The following DENND1A variants were observed in gnomAD, a reference collection of about 807,000 sequenced individuals.
The protein encoded by DENND1A is DENN domain-containing protein 1A.
DENND1A carries 51 observed loss-of-function variants against 113.7 expected under a neutral mutation model. The ratio of observed to expected loss-of-function variants is 0.45; its 90% CI spans 0.36 to 0.57. The LOEUF (loss-of-function observed/expected upper bound fraction) is 0.57, where lower values mean the gene tolerates loss of function less well. Ranked by LOEUF, DENND1A falls within the 20% of genes least tolerant of loss-of-function variation. DENND1A has a pLI of 0.00. For missense variants in DENND1A, 1,258 were observed against 1,395.9 expected, an observed-to-expected ratio of 0.90 and a Z score of 1.57; for synonymous variants, 565 against 570.8, an observed-to-expected ratio of 0.99 and a Z score of 0.14.
intron 2 of DENND1A, among the ~76,000 whole-genome samples, chr9:123,792,873 C>T (rs924750908): frequency 6.6e-6 from 1 of 152,170 alleles, no homozygotes; most frequent in African/African-American, 2.4e-5. Context: ...TAGACTATTA[C>T]CTAATGCAAA....
intron 12 of DENND1A, among the ~76,000 whole-genome samples, chr9:123,572,581 G>GT (rs1277654831): frequency 2.0e-5 from 3 of 152,282 alleles, no homozygotes; most frequent in Middle Eastern, 3.4e-3. Flanking sequence ...ACGATGCGGA[G>GT]TATCTTTTCA....
At chr9:123,587,456 G>C (rs1417556552) in intron 11 of DENND1A, among the ~76,000 whole-genome samples, 1 of 152,194 alleles carries the variant, frequency 6.6e-6, no homozygotes, top group East Asian at 1.9e-4. Flanking sequence ...TAGACAACCA[G>C]TTAGACCAGA....
chr9:123,671,398 C>T (rs1357069621), intron 6 of DENND1A, 27 bp from the exon 7 acceptor site: 1 of 1,612,026 alleles, frequency 6.2e-7, no homozygotes, highest in Admixed American at 1.7e-5. Context: ...GCCTAAGTAA[C>T]AAAAGCAAGG....
At chr9:123,440,613 G>C in intron 18 of DENND1A, 122 bp from the exon 19 acceptor site, 2 of 1,288,922 alleles carry the variant, frequency 1.6e-6, no homozygotes, top group Non-Finnish European at 2.0e-6. Flanking sequence ...CTGACCTCTT[G>C]ATGAAGATGG....
intron 12 of DENND1A, among the ~76,000 whole-genome samples, chr9:123,579,195 T>C (rs1022865024): frequency 6.6e-6 from 1 of 152,188 alleles, no homozygotes; most frequent in Admixed American, 6.5e-5. Context: ...ATGTTTTAAA[T>C]ATATTATATA....
intron 2 of DENND1A, among the ~76,000 whole-genome samples, chr9:123,871,940 T>C (rs1389474123): frequency 6.6e-6 from 1 of 152,192 alleles, no homozygotes; most frequent in African/African-American, 2.4e-5. Flanking sequence ...GACACTTGTG[T>C]TTGAAATGCA....
intron 13 of DENND1A, among the ~76,000 whole-genome samples, chr9:123,522,779 T>G (rs2054498699): frequency 6.6e-6 from 1 of 152,172 alleles, no homozygotes; most frequent in South Asian, 2.1e-4. Context: ...TGACACTGAC[T>G]GGGAGCATAC....
At position 123,583,280 on chromosome 9, in the gene DENND1A, G is replaced by GA. The variant is rs763608374; in HGVS notation, c.766-11dup. The GA allele has an allele frequency of 5.0e-6, 8 of 1,604,638 alleles. No individual in the cohort carries two copies. In the South Asian group the frequency reaches 5.6e-5, roughly 11 times the overall value. On this transcript the variant is annotated splice_polypyrimidine_tract_variant and intron_variant, in intron 11 of 23. Transcript: ENST00000394215. The stretch of plus-strand genomic sequence containing the variant: ...CCATGTTTCTGACTTTCTGCAAGGA[G>GA]AAAAAAATCCACAAGAGAAGGTCAT...
intron 11 of DENND1A, among the ~76,000 whole-genome samples, chr9:123,589,236 G>T (rs537634260): frequency 4.6e-5 from 7 of 152,108 alleles, no homozygotes; most frequent in South Asian, 4.2e-4. Flanking sequence ...CAGTTTTGAA[G>T]AAATTACTGT....
chr9:123,432,738 C>T (rs1482444117), intron 19 of DENND1A, among the ~76,000 whole-genome samples: 1 of 152,220 alleles, frequency 6.6e-6, no homozygotes, highest in Non-Finnish European at 1.5e-5. Context: ...GATTGTAGAC[C>T]GCAATGCCCA....
chr9:123,520,763 C>T (rs2054328349), intron 13 of DENND1A, among the ~76,000 whole-genome samples: 1 of 152,238 alleles, frequency 6.6e-6, no homozygotes, highest in African/African-American at 2.4e-5. Flanking sequence ...ATTTCTGTTA[C>T]CCACAACTGA....
intron 5 of DENND1A, among the ~76,000 whole-genome samples, chr9:123,719,136 C>T (rs2067168909): frequency 6.6e-6 from 1 of 152,188 alleles, no homozygotes; most frequent in Admixed American, 6.6e-5. Flanking sequence ...TCCATTAAAC[C>T]TCTTTTTCTT....
intron 21 of DENND1A, among the ~76,000 whole-genome samples, chr9:123,393,746 G>A (rs2042972221): frequency 2.0e-5 from 3 of 152,170 alleles, no homozygotes; most frequent in Admixed American, 2.0e-4. Context: ...TCAGTTGCAG[G>A]TGAATATCTA....
intron 5 of DENND1A, among the ~76,000 whole-genome samples, chr9:123,753,342 C>T (rs962586088): frequency 6.6e-6 from 1 of 152,148 alleles, no homozygotes; most frequent in African/African-American, 2.4e-5. Flanking sequence ...TAAAAAGGAA[C>T]CTAATAAGTA....
intron 12 of DENND1A, among the ~76,000 whole-genome samples, chr9:123,562,836 G>A (rs1319273619): frequency 6.6e-6 from 1 of 152,174 alleles, no homozygotes; most frequent in Non-Finnish European, 1.5e-5. Context: ...TGAGCAGGTG[G>A]TTCCATGGTG....
chr9:123,759,652 T>C (rs1230454256), intron 4 of DENND1A: 1 of 152,212 alleles, frequency 6.6e-6, no homozygotes, highest in Non-Finnish European at 1.5e-5. Context: ...CTCAAACTCC[T>C]GGCCTTAAGT....
At chr9:123,756,085 A>T (rs888342402) in intron 5 of DENND1A, among the ~76,000 whole-genome samples, 1 of 152,046 alleles carries the variant, frequency 6.6e-6, no homozygotes, top group African/African-American at 2.4e-5. Flanking sequence ...TAATTTTTGT[A>T]TTTTTTAGTT....
chr9:123,752,789 TATTGCA>T (rs1389240038), intron 5 of DENND1A, among the ~76,000 whole-genome samples: 1 of 152,238 alleles, frequency 6.6e-6, no homozygotes, highest in East Asian at 1.9e-4. Flanking sequence ...TAAATGCATA[TATTGCA>T]TCAGACTCAG....
intron 4 of DENND1A, among the ~76,000 whole-genome samples, chr9:123,768,237 A>C (rs1397944284): frequency 2.0e-5 from 3 of 152,204 alleles, no homozygotes; most frequent in Non-Finnish European, 4.4e-5. Flanking sequence ...TGGCTTAAGA[A>C]AAAATAAAAT....
Sources: allele counts gnomAD v4.1 joint callset (sites outside exome capture counted in the v4.1 genomes callset), GRCh38; gene constraint gnomAD v4.1.1; transcripts MANE v1.5; gene names NCBI Gene and HGNC (gene_info 2026-07-23, HGNC 2026-07-21).